The following NPAS3 variants were observed in gnomAD, a reference collection of about 807,000 sequenced individuals.
The protein encoded by NPAS3 is neuronal PAS domain protein 3.
NPAS3 carries 14 observed loss-of-function variants against 73.1 expected under a neutral mutation model. The observed-to-expected ratio is 0.19, with a 90% CI of 0.13 to 0.30. NPAS3 has a LOEUF of 0.30. NPAS3 is among the 10% of genes least tolerant of loss of function. The probability of loss-of-function intolerance (pLI) is 1.00; values close to 1 mark genes in which losing one functional copy is unlikely to be tolerated. For synonymous variants in NPAS3, 620 were observed against 541.5 expected (o/e 1.14, Z -2.01); for missense variants, 1,096 against 1,250.0 (o/e 0.88, Z 1.86).
At chr14:33,061,700 C>G (rs1170840412) in intron 2 of NPAS3, among the ~76,000 whole-genome samples, 1 of 152,094 alleles carries the variant, frequency 6.6e-6, no homozygotes, top group African/African-American at 2.4e-5. Flanking sequence ...ACCCACGGGT[C>G]AGGTGCTTTT....
At chr14:33,159,234 T>C (rs1457229368) in intron 2 of NPAS3, among the ~76,000 whole-genome samples, 1 of 152,210 alleles carries the variant, frequency 6.6e-6, no homozygotes, top group Non-Finnish European at 1.5e-5. Flanking sequence ...ATTTTTCATG[T>C]AGACCCACTA....
chr14:33,572,162 A>G (rs2056243047), intron 5 of NPAS3, among the ~76,000 whole-genome samples: 1 of 152,174 alleles, frequency 6.6e-6, no homozygotes, highest in Non-Finnish European at 1.5e-5. Flanking sequence ...ATAAAATTCT[A>G]AACAATTCAG....
chr14:33,107,231 A>C (rs927763), intron 2 of NPAS3, among the ~76,000 whole-genome samples: 25,432 of 151,922 alleles, frequency 0.17, 2,372 homozygotes, highest in East Asian at 0.38. Flanking sequence ...CTCTGTAAAA[A>C]AATATATTTT....
intron 2 of NPAS3, among the ~76,000 whole-genome samples, chr14:33,147,439 A>G (rs565816970): frequency 1.3e-5 from 2 of 152,298 alleles, no homozygotes; most frequent in South Asian, 4.1e-4. Flanking sequence ...AACTTGCTTT[A>G]TAACTATAAT....
intron 2 of NPAS3, among the ~76,000 whole-genome samples, chr14:33,162,518 T>G (rs2044934861): frequency 6.6e-6 from 1 of 152,208 alleles, no homozygotes; most frequent in Non-Finnish European, 1.5e-5. Flanking sequence ...ATTAACAAAT[T>G]ATGATGGAAT....
chr14:33,011,551 G>GTTTTT (rs35182169), intron 1 of NPAS3, among the ~76,000 whole-genome samples: 1 of 149,888 alleles, frequency 6.7e-6, no homozygotes, highest in Admixed American at 6.6e-5. Context: ...CTAGAAATCA[G>GTTTTT]TTTTTTTTTT....
intron 4 of NPAS3, among the ~76,000 whole-genome samples, chr14:33,546,749 C>T (rs374035564): frequency 6.6e-6 from 1 of 152,202 alleles, no homozygotes; most frequent in Non-Finnish European, 1.5e-5. Flanking sequence ...TGTGAGGATA[C>T]GTTACTTGCA....
At chr14:32,950,359 A>G (rs975483482) in intron 1 of NPAS3, among the ~76,000 whole-genome samples, 4 of 152,154 alleles carry the variant, frequency 2.6e-5, no homozygotes, top group Non-Finnish European at 4.4e-5. Context: ...ATGGAATTAT[A>G]TATGCAAGAG....
chr14:33,566,515 G>A (rs780404193), intron 5 of NPAS3, among the ~76,000 whole-genome samples: 7 of 151,830 alleles, frequency 4.6e-5, no homozygotes, highest in Non-Finnish European at 8.8e-5. Context: ...TTATGAACGA[G>A]CCAGGCAGAA....
chr14:33,279,665 T>C (rs943228927), intron 3 of NPAS3, among the ~76,000 whole-genome samples: 1 of 152,074 alleles, frequency 6.6e-6, no homozygotes, highest in Non-Finnish European at 1.5e-5. Flanking sequence ...TTGGAAAGCA[T>C]AGGGGTAGAG....
chr14:32,966,994 C>A (rs74869878), intron 1 of NPAS3, among the ~76,000 whole-genome samples: 10,743 of 152,072 alleles, frequency 0.071, 536 homozygotes, highest in Middle Eastern at 0.19. Context: ...AGACAACCTA[C>A]AAAATGGGAG....
chr14:33,784,732 TATTTATTTATTTA>T (rs2063092673), intron 9 of NPAS3, among the ~76,000 whole-genome samples: 1 of 103,564 alleles, frequency 9.7e-6, no homozygotes, highest in African/African-American at 5.0e-5. Flanking sequence ...TTTATTTATT[TATTTATTTATTTA>T]TTTTTTTTTT....
chr14:33,794,182 T>C, intron 10 of NPAS3, 138 bp downstream of exon 10: 1 of 711,734 alleles, frequency 1.4e-6, no homozygotes, highest in South Asian at 1.9e-5. Context: ...GCAATTCTGC[T>C]GTTCTTTCCA....
At chr14:33,653,858 CCTAA>C (rs1448262990) in intron 5 of NPAS3, among the ~76,000 whole-genome samples, 2 of 152,162 alleles carry the variant, frequency 1.3e-5, no homozygotes, top group African/African-American at 4.8e-5. Flanking sequence ...CCATTTTATT[CCTAA>C]CTAAAACAGG....
intron 2 of NPAS3, among the ~76,000 whole-genome samples, chr14:33,071,973 C>T (rs1368240623): frequency 6.6e-6 from 1 of 152,120 alleles, no homozygotes; most frequent in African/African-American, 2.4e-5. Flanking sequence ...TCACTGCAAT[C>T]TCCGCCTCCC....
chr14:33,610,415 A>T (rs1192678813), intron 5 of NPAS3, among the ~76,000 whole-genome samples: 1 of 152,084 alleles, frequency 6.6e-6, no homozygotes. Flanking sequence ...AAGCTTACAA[A>T]ATAAAGTTTT....
intron 5 of NPAS3, among the ~76,000 whole-genome samples, chr14:33,632,410 GAAACAAGGGAA>G (rs1366647379): frequency 7.2e-5 from 11 of 152,186 alleles, no homozygotes; most frequent in Non-Finnish European, 1.3e-4. Flanking sequence ...TAAGACATTA[GAAACAAGGGAA>G]TTAATTAACA....
intron 4 of NPAS3, among the ~76,000 whole-genome samples, chr14:33,495,751 A>G (rs1176496748): frequency 6.6e-6 from 1 of 151,540 alleles, no homozygotes; most frequent in African/African-American, 2.4e-5. Flanking sequence ...CTTTTTTTTA[A>G]TCTTTGTTTG....
At chr14:33,606,647 AAGAAAACGTG>A (rs1206265903) in intron 5 of NPAS3, among the ~76,000 whole-genome samples, 1 of 152,210 alleles carries the variant, frequency 6.6e-6, no homozygotes, top group African/African-American at 2.4e-5. Context: ...AAGCTTCTAG[AAGAAAACGTG>A]AGAAAACTTT....
Sources: allele counts gnomAD v4.1 joint callset (sites outside exome capture counted in the v4.1 genomes callset), GRCh38; gene constraint gnomAD v4.1.1; transcripts MANE v1.5; gene names NCBI Gene and HGNC (gene_info 2026-07-23, HGNC 2026-07-21).